Variants in CEP126 observed in about 807,000 individuals in gnomAD.
CEP126 encodes centrosomal protein 126, also known as centrosomal protein of 126 kDa.
CEP126 carries 74 observed loss-of-function variants against 107.8 expected under a neutral mutation model. That is an observed-to-expected ratio of 0.69 (90% CI 0.57 to 0.83). The LOEUF is 0.83. Ranked by LOEUF, CEP126 falls within the 40% of genes least tolerant of loss-of-function variation. The pLI is 0.00. For missense variants in CEP126, 1,237 were observed against 1,281.9 expected, an observed-to-expected ratio of 0.96 and a Z score of 0.53; for synonymous variants, 449 against 446.0, an observed-to-expected ratio of 1.01 and a Z score of -0.08.
intron 6 of CEP126, 114 bp downstream of exon 6, chr11:101,963,994 C>A (rs952464738): frequency 2.9e-6 from 2 of 693,740 alleles, no homozygotes; most frequent in Non-Finnish European, 4.7e-6. Flanking sequence ...TAATATTAAA[C>A]AATAGCTTTA....
rs1340630725 is a variant in CEP126, at chr11:101,963,432, A to G, written c.2397A>G (p.Ile799Met). 2.5e-6 allele frequency: 4 copies of G among 1,614,134 alleles called. No individual in the cohort carries two copies. In the South Asian group the frequency reaches 4.4e-5, roughly 18 times the overall value. Residue 799 changes from isoleucine (I) to methionine (M), a missense_variant, in exon 6 of 11, where the codon ATA becomes ATG. By Grantham distance (10) the Ile-to-Met change is conservative (BLOSUM62 1). Around this residue, in one of 3 missense-constraint regions of CEP126, gnomAD observed 1,134 missense variants for 1,150.5 expected, o/e 0.99. Coordinates refer to ENST00000263468, the MANE Select transcript of CEP126 (RefSeq NM_020802.4). ...IFTQAQGKLI[I>M]PCPPPQSTSN... Reference sequence around the variant, plus strand: ...CACAAGCTCAGGGAAAATTAATTATACCTTGTCCTCCTCCTCAATCTACAT... The same window carrying G: ...CACAAGCTCAGGGAAAATTAATTATGCCTTGTCCTCCTCCTCAATCTACAT...
chr11:101,925,461 CT>C (rs1003741025), intron 2 of CEP126, among the ~76,000 whole-genome samples: 1 of 151,652 alleles, frequency 6.6e-6, no homozygotes, highest in Non-Finnish European at 1.5e-5. Flanking sequence ...TACCAGTAAA[CT>C]TTAGAAAAGT....
At position 101,962,748 on chromosome 11, in the gene CEP126, T is replaced by C. The variant is rs2137112516; in HGVS notation, c.1713T>C (p.Gly571=). Residue 571 remains glycine, a synonymous_variant, in exon 6 of 11, where the codon GGT becomes GGC. Coordinates refer to ENST00000263468, the MANE Select transcript of CEP126 (RefSeq NM_020802.4). ...KMKYNIHERN[G]VRFLKSILKK... is the part of the protein sequence containing the mutation. ...AATACAACATCCATGAGAGAAATGG[T>C]GTGAGATTTCTTAAAAGTATTTTAA... is the stretch of plus-strand genomic sequence containing the variant. 6.2e-7 allele frequency: 1 copy of C among 1,609,526 alleles called. No individual in the cohort carries two copies. The highest frequency in any genetic ancestry group is 8.5e-7 in the Non-Finnish European group (1 of 1,178,808).
chr11:101,962,082 T>C lies in CEP126; in HGVS notation c.1047T>C (p.Asn349=). 1 of 1,612,510 alleles carries C rather than the reference T, an allele frequency of 6.2e-7. No homozygotes were observed. Among genetic ancestry groups the C allele is most frequent in the African/African-American group, 1.3e-5 (1 of 74,900 alleles). Residue 349 remains asparagine, a synonymous_variant, in exon 6 of 11, where the codon AAT becomes AAC. Coordinates refer to ENST00000263468, the MANE Select transcript of CEP126 (RefSeq NM_020802.4). Reference sequence around the variant, plus strand: ...AATATTTTAATAGTAAAGAACAAAATCCATCTCCTTTGAATGGAACAGTGG... The same window carrying C: ...AATATTTTAATAGTAAAGAACAAAACCCATCTCCTTTGAATGGAACAGTGG... ...SWEYFNSKEQ[N]PSPLNGTVER... is the part of the protein sequence containing the mutation.
rs147243431 is a variant in CEP126 at position 101,934,252 on chromosome 11, G to A, written c.249-10013G>A. 5.9e-5 allele frequency among the ~76,000 whole-genome samples: 9 copies of A among 151,920 alleles called. No homozygotes were observed. In the East Asian group the frequency reaches 1.2e-3, roughly 20 times the overall value. On this transcript the variant is annotated intron_variant, in intron 2 of 10. Coordinates refer to ENST00000263468, the MANE Select transcript of CEP126 (RefSeq NM_020802.4). Reference sequence around the variant, plus strand: ...TTTGTCTCCCTACTATTATTCCAGCGATCATTCTTTGTGATTTTAGTGTCT... The same window carrying A: ...TTTGTCTCCCTACTATTATTCCAGCAATCATTCTTTGTGATTTTAGTGTCT...
At chr11:101,917,071 TGTGTGC>T in intron 1 of CEP126, among the ~76,000 whole-genome samples, 1 of 143,316 alleles carries the variant, frequency 7.0e-6, no homozygotes, top group Non-Finnish European at 1.5e-5. Flanking sequence ...TGTGTGTGTG[TGTGTGC>T]TGGTTTATAT....
At chr11:101,968,853 C>T (rs1290531104) in intron 6 of CEP126, among the ~76,000 whole-genome samples, 1 of 151,918 alleles carries the variant, frequency 6.6e-6, no homozygotes, top group Non-Finnish European at 1.5e-5. Flanking sequence ...ATATATTTTA[C>T]CCTAGAAATA....
intron 2 of CEP126, among the ~76,000 whole-genome samples, chr11:101,933,075 T>C (rs1021362333): frequency 1.3e-5 from 2 of 152,164 alleles, no homozygotes; most frequent in Non-Finnish European, 2.9e-5. Context: ...AATTTCAGGC[T>C]CTGCACTCAG....
chr11:101,944,842 C>T (rs1181310111), intron 3 of CEP126, among the ~76,000 whole-genome samples: 1 of 152,062 alleles, frequency 6.6e-6, no homozygotes, highest in Non-Finnish European at 1.5e-5. Context: ...AAGATAAAAA[C>T]TTGGAACCAG....
chr11:101,987,628 C>A (rs1941330454), intron 9 of CEP126, among the ~76,000 whole-genome samples: 1 of 148,316 alleles, frequency 6.7e-6, no homozygotes, highest in African/African-American at 2.5e-5. Context: ...CACATGCATA[C>A]ACAGAGGAGG....
chr11:101,941,718 C>A (rs930661423), intron 2 of CEP126, among the ~76,000 whole-genome samples: 3 of 152,046 alleles, frequency 2.0e-5, no homozygotes, highest in African/African-American at 4.8e-5. Flanking sequence ...ATCAGCATAC[C>A]AATTTCCACA....
At chr11:101,955,830 C>T (rs750703697) in intron 4 of CEP126, 1 of 455,448 alleles carries the variant, frequency 2.2e-6, no homozygotes, top group South Asian at 1.6e-5. Flanking sequence ...ACACCTGACC[C>T]CTACTTACCT....
At chr11:101,968,345 A>T (rs1184378547) in intron 6 of CEP126, among the ~76,000 whole-genome samples, 1 of 152,220 alleles carries the variant, frequency 6.6e-6, no homozygotes, top group South Asian at 2.1e-4. Context: ...ATATATCTTC[A>T]TGCTTGTTTC....
chr11:101,942,900 C>A (rs1008544794), intron 2 of CEP126, among the ~76,000 whole-genome samples: 1 of 151,838 alleles, frequency 6.6e-6, no homozygotes, highest in East Asian at 1.9e-4. Flanking sequence ...TATTTTCTTT[C>A]TGCATTGTTC....
Position 101,986,940 on chromosome 11 carries a change from A to G in CEP126, c.3143A>G (p.Asn1048Ser). 2 of 1,613,836 alleles carry G rather than the reference A, an allele frequency of 1.2e-6. No individual in the cohort carries two copies. Among genetic ancestry groups the G allele is most frequent in the Middle Eastern group, 1.7e-4 (1 of 6,054 alleles). The change falls in exon 9 of 11, where the codon AAT becomes AGT. Residue 1048 changes from asparagine (N) to serine (S), a missense_variant. By Grantham distance (46) the Asn-to-Ser change is conservative. This residue lies in a region of CEP126 where 99 missense variants were observed against 114.4 expected (regional missense o/e 0.87). Transcript: ENST00000263468. ...VLNSKQIQKS[N>S]LPLNKTQQFN... ...AATAGCAAACAGATACAGAAATCAA[A>G]TCTACCTTTAAATAAAACTCAACAA...
chr11:101,920,591 G>C (rs1026081295), intron 1 of CEP126, among the ~76,000 whole-genome samples: 2 of 151,554 alleles, frequency 1.3e-5, no homozygotes, highest in African/African-American at 2.4e-5. Context: ...GTGATTACAC[G>C]GTAATTCAAT....
At chr11:101,924,973 G>A (rs991738566) in intron 2 of CEP126, among the ~76,000 whole-genome samples, 1 of 151,832 alleles carries the variant, frequency 6.6e-6, no homozygotes, top group African/African-American at 2.4e-5. Context: ...TTCTTGCATT[G>A]TATGCTTTTA....
intron 2 of CEP126, among the ~76,000 whole-genome samples, chr11:101,939,466 A>G (rs1314438160): frequency 6.6e-6 from 1 of 152,150 alleles, no homozygotes; most frequent in Non-Finnish European, 1.5e-5. Flanking sequence ...AAGCTTTTCC[A>G]TTCTTTTGCC....
chr11:101,945,394 G>T (rs2137097034), intron 3 of CEP126, among the ~76,000 whole-genome samples: 1 of 152,168 alleles, frequency 6.6e-6, no homozygotes, highest in Admixed American at 6.5e-5. Flanking sequence ...AAAAAAAGAG[G>T]TAGCCAGTTC....
Sources: gnomAD v4.1 joint callset for allele counts (sites outside exome capture counted in the v4.1 genomes callset) on GRCh38, gnomAD v4.1.1 for gene constraint, gnomAD v4.1.1 regional missense constraint, MANE v1.5 for transcripts, NCBI Gene and HGNC (gene_info 2026-07-23, HGNC 2026-07-21) for gene names.